Variants in LUZP2 observed in about 807,000 individuals in gnomAD.
LUZP2 encodes leucine zipper protein 2.
LUZP2 carries 52 observed loss-of-function variants against 51.6 expected under a neutral mutation model. That is an observed-to-expected ratio of 1.01 (90% CI 0.81 to 1.27). LUZP2 has a LOEUF of 1.27. Ranked by LOEUF, LUZP2 falls within the 50% of genes most tolerant of loss-of-function variation. The probability of loss-of-function intolerance (pLI) is 0.00; values close to 1 mark genes in which losing one functional copy is unlikely to be tolerated. For missense variants in LUZP2, 436 were observed against 395.4 expected, an observed-to-expected ratio of 1.10 and a Z score of -0.87; for synonymous variants, 154 against 137.3, an observed-to-expected ratio of 1.12 and a Z score of -0.85.
intron 1 of LUZP2, among the ~76,000 whole-genome samples, chr11:24,628,298 G>A (rs190007252): frequency 6.6e-6 from 1 of 151,968 alleles, no homozygotes; most frequent in Admixed American, 6.6e-5. Flanking sequence ...GCTGGTCTTT[G>A]ATCATTATGC....
intron 1 of LUZP2, among the ~76,000 whole-genome samples, chr11:24,605,403 TTGAATC>T (rs368541046): frequency 5.9e-5 from 9 of 151,788 alleles, no homozygotes; most frequent in African/African-American, 2.2e-4. Context: ...TTACAATGCC[TTGAATC>T]TGAGCTCTTT....
At position 24,947,165 on chromosome 11, in the gene LUZP2, CTG is replaced by C. The variant is rs1013435585; in HGVS notation, c.523-29424_523-29423del. ...TTTTGTATATTACATGTATTAAAGA[CTG>C]TATTTTTCTAATAAAGTAATTTTGA... On this transcript the variant is annotated intron_variant, in intron 7 of 11. Transcript: ENST00000336930. 2.5e-3 allele frequency among the ~76,000 whole-genome samples: 377 copies of C among 152,086 alleles called. 1 individual carries two copies. Among genetic ancestry groups the C allele is most frequent in the African/African-American group, 8.8e-3 (366 of 41,536 alleles).
chr11:24,685,031 G>C (rs1590345411), intron 1 of LUZP2, among the ~76,000 whole-genome samples: 1 of 84,076 alleles, frequency 1.2e-5, no homozygotes, highest in African/African-American at 4.7e-5. Flanking sequence ...TGCTCTGTGT[G>C]TGTGTGTGTG....
chr11:24,499,172 A>G (rs1402586883), intron 1 of LUZP2, among the ~76,000 whole-genome samples: 1 of 152,208 alleles, frequency 6.6e-6, no homozygotes, highest in Non-Finnish European at 1.5e-5. Flanking sequence ...TGTGAAAACT[A>G]TGGTTATTAA....
In LUZP2 at chr11:24,732,134, A is replaced by G; in HGVS notation, c.197A>G (p.Glu66Gly). ...KVNLQSLKND[E>G]QSAKTDVQKL... ...TCTTATCAGTCCTTAAAAAACGATG[A>G]GCAGTCTGCCAAAACTGATGTTCAG... The change falls in exon 3 of 12, where the codon GAG (glutamate) becomes GGG (glycine). Residue 66 changes from glutamate (E) to glycine (G), a missense_variant. Transcript: ENST00000336930. The G allele has an allele frequency of 6.2e-7, 1 of 1,609,082 alleles. No homozygotes were observed. Among genetic ancestry groups the G allele is most frequent in the Non-Finnish European group, 8.5e-7 (1 of 1,176,930 alleles).
At chr11:25,035,285 T>C (rs1381933531) in intron 9 of LUZP2, among the ~76,000 whole-genome samples, 1 of 151,852 alleles carries the variant, frequency 6.6e-6, no homozygotes, top group Non-Finnish European at 1.5e-5. Context: ...ACTTAGAAAA[T>C]CATAAAAAAA....
At chr11:24,909,133 T>A (rs1853549886) in intron 6 of LUZP2, among the ~76,000 whole-genome samples, 1 of 151,490 alleles carries the variant, frequency 6.6e-6, no homozygotes, top group African/African-American at 2.4e-5. Flanking sequence ...GGAAAACCCC[T>A]AAAACATTTT....
chr11:24,560,262 G>A (rs752955317), intron 1 of LUZP2, among the ~76,000 whole-genome samples: 2 of 152,048 alleles, frequency 1.3e-5, no homozygotes, highest in South Asian at 4.1e-4. Flanking sequence ...TAGATGAAAA[G>A]GTTGCTTGGA....
At chr11:25,052,528 G>A (rs990917996) in intron 10 of LUZP2, among the ~76,000 whole-genome samples, 2 of 152,168 alleles carry the variant, frequency 1.3e-5, no homozygotes, top group Admixed American at 1.3e-4. Context: ...TAGAAAGTCA[G>A]ATTCTGAGCA....
intron 1 of LUZP2, among the ~76,000 whole-genome samples, chr11:24,574,390 T>A (rs75572485): frequency 7.0e-6 from 1 of 143,112 alleles, no homozygotes; most frequent in African/African-American, 2.6e-5. Context: ...TTCTTCTTTC[T>A]TTCATCTCTC....
intron 10 of LUZP2, among the ~76,000 whole-genome samples, chr11:25,058,513 C>T (rs1208640978): frequency 1.3e-5 from 2 of 152,150 alleles, no homozygotes; most frequent in East Asian, 3.9e-4. Context: ...ATAAGGACTT[C>T]CTTCTCTGGG....
chr11:24,543,216 T>G (rs1461213317), intron 1 of LUZP2, among the ~76,000 whole-genome samples: 1 of 152,112 alleles, frequency 6.6e-6, no homozygotes, highest in Admixed American at 6.6e-5. Flanking sequence ...GTTTGGTTTA[T>G]TTAAAATATA....
chr11:24,762,712 C>G (rs142632880), intron 4 of LUZP2, among the ~76,000 whole-genome samples: 1 of 152,032 alleles, frequency 6.6e-6, no homozygotes, highest in Non-Finnish European at 1.5e-5. Context: ...TTAGGAAATA[C>G]GGTTCCAATA....
chr11:25,032,732 A>G (rs1857727051), intron 9 of LUZP2, among the ~76,000 whole-genome samples: 1 of 152,196 alleles, frequency 6.6e-6, no homozygotes, highest in Non-Finnish European at 1.5e-5. Context: ...AAATTGAATA[A>G]AAGCACAGAA....
intron 1 of LUZP2, among the ~76,000 whole-genome samples, chr11:24,579,282 G>T (rs1238223568): frequency 2.6e-5 from 4 of 151,968 alleles, no homozygotes; most frequent in African/African-American, 9.7e-5. Context: ...GTTTTAAAAA[G>T]TTATTAATTT....
At chr11:24,957,014 C>A (rs1855230576) in intron 7 of LUZP2, among the ~76,000 whole-genome samples, 1 of 152,074 alleles carries the variant, frequency 6.6e-6, no homozygotes, top group African/African-American at 2.4e-5. Context: ...GGTAGGGTAG[C>A]ATTACAATGG....
chr11:24,827,040 A>G (rs1850564276), intron 5 of LUZP2, among the ~76,000 whole-genome samples: 1 of 152,004 alleles, frequency 6.6e-6, no homozygotes, highest in Non-Finnish European at 1.5e-5. Context: ...TTAAAAAATA[A>G]GACAGATACA....
intron 9 of LUZP2, among the ~76,000 whole-genome samples, chr11:25,040,343 A>ATTTTTTTTTTTGTTTTTTTTTTTTTTTTT (rs1858012776): frequency 1.0e-5 from 1 of 98,828 alleles, no homozygotes; most frequent in African/African-American, 5.8e-5. Context: ...TTTCTTTCCG[A>ATTTTTTTTTTTGTTTTTTTTTTTTTTTTT]TTTTTTTTTT....
Position 25,077,047 on chromosome 11 carries a change from A to G in LUZP2, c.859-282A>G, listed in dbSNP as rs150576671. The stretch of plus-strand genomic sequence containing the variant: ...TTTTATAATCTTTTACTTCTTTTTA[A>G]ATGTTTTACAGGAAAATAATTTTCC... On this transcript the variant is annotated intron_variant, in intron 10 of 11. Coordinates refer to ENST00000336930, the MANE Select transcript of LUZP2 (RefSeq NM_001009909.4). 3.5e-3 allele frequency among the ~76,000 whole-genome samples: 530 copies of G among 152,178 alleles called. 3 individuals are homozygous for G. The highest frequency in any genetic ancestry group is 0.012 in the African/African-American group (512 of 41,498).
Sources: allele counts gnomAD v4.1 joint callset (sites outside exome capture counted in the v4.1 genomes callset), GRCh38; gene constraint gnomAD v4.1.1; transcripts MANE v1.5; gene names NCBI Gene and HGNC (gene_info 2026-07-23, HGNC 2026-07-21).